Variants in MYBBP1A observed in about 807,000 individuals in gnomAD.
MYBBP1A encodes the protein MYB binding protein 1a, also known as myb-binding protein 1A.
In MYBBP1A, 147 loss-of-function variants were observed where a neutral mutation model predicts 136.3. The observed-to-expected ratio is 1.08, with a 90% CI of 0.94 to 1.24. MYBBP1A has a LOEUF of 1.24. Ranked by LOEUF, MYBBP1A falls within the 50% of genes most tolerant of loss-of-function variation. The pLI, the probability that MYBBP1A is intolerant of heterozygous loss-of-function variation, is 0.00. For synonymous variants in MYBBP1A, 947 were observed against 735.8 expected, an observed-to-expected ratio of 1.29 and a Z score of -4.65; for missense variants, 2,060 against 1,727.4, an observed-to-expected ratio of 1.19 and a Z score of -3.41.
chr17:4,550,185 G>T lies in MYBBP1A; in HGVS notation c.1192C>A (p.Leu398Met), dbSNP rs183763821. Residue 398 changes from leucine to methionine, a missense_variant, in exon 9 of 26, where the codon CTG (leucine) becomes ATG (methionine). Leu to Met is a conservative substitution (Grantham distance 15). Transcript: ENST00000254718. ...TPTFWRVVRF[L>M]SPPALQGYVA... ...TAGCCCTGCAGGGCCGGAGGGCTCA[G>T]GAACCGCACGACCCGCCAGAAAGTA... 6.2e-7 allele frequency: 1 copy of T among 1,613,920 alleles called. No individual in the cohort carries two copies. Among genetic ancestry groups the T allele is most frequent in the East Asian group, 2.2e-5 (1 of 44,886 alleles).
At chr17:4,540,124 C>T (rs535212727) in intron 25 of MYBBP1A, among the ~76,000 whole-genome samples, 157 bp from the exon 26 acceptor site, 205 of 148,848 alleles carry the variant, frequency 1.4e-3, no homozygotes, top group Admixed American at 2.1e-3. Context: ...GAGGGTCCTG[C>T]GAGGCCCCTG....
At position 4,545,709 on chromosome 17, in the gene MYBBP1A, C is replaced by A. The variant is rs202167625; in HGVS notation, c.1974G>T (p.Leu658=). ...GCATGAGGTGGCTGGGCTGGGCCAA[C>A]AGGGCCAGCAAGATCTCCACCAGCA... ...VEVLVEILLA[L]LAQPSHLMRQ... Residue 658 remains leucine (L), a synonymous_variant, in exon 15 of 26, where the codon CTG becomes CTT. Transcript: ENST00000254718. 142 of 1,609,950 alleles carry A rather than the reference C, an allele frequency of 8.8e-5. 1 individual carries two copies. Among genetic ancestry groups the A allele is most frequent in the Admixed American group, 3.0e-4 (18 of 59,828 alleles).
intron 18 of MYBBP1A, 44 bp downstream of exon 18, chr17:4,544,707 C>T (rs1418579034): frequency 1.5e-5 from 21 of 1,445,764 alleles, no homozygotes; most frequent in South Asian, 2.7e-5. Flanking sequence ...CGGGGGTGGG[C>T]GCACAGGGAG....
At chr17:4,545,429 A>G (rs774332070) in intron 15 of MYBBP1A, 84 bp from the exon 16 acceptor site, 6 of 1,567,372 alleles carry the variant, frequency 3.8e-6, no homozygotes, top group Non-Finnish European at 4.4e-6. Flanking sequence ...AAAGACCTCC[A>G]TTTCCCAGAA....
At position 4,545,006 on chromosome 17, in the gene MYBBP1A, CCT is replaced by C. The variant is rs753158147; in HGVS notation, c.2310+18_2310+19del. On this transcript the variant is annotated intron_variant, in intron 17 of 25. Transcript: ENST00000254718. ...CCCGAGCCCTCCCCGGCCGCCCCCC[CCT>C]CCACCTCCCCCACTCACCAGCGCCT... 4.7e-4 allele frequency: 692 copies of C among 1,477,770 alleles called. No homozygotes were observed. The highest frequency in any genetic ancestry group is 5.8e-4 in the Non-Finnish European group (642 of 1,111,844). The allele number at this position is 1,477,770 out of a possible 1,614,324, so 91.5% of individuals were successfully genotyped here. A position where few individuals can be genotyped will look rare whatever the true frequency, so the allele number is the denominator to read the frequency against.
chr17:4,547,911 G>T, intron 13 of MYBBP1A, 47 bp downstream of exon 13: 1 of 1,396,088 alleles, frequency 7.2e-7, no homozygotes, highest in Non-Finnish European at 9.4e-7. Context: ...GGCCCATTGT[G>T]CCATAGAACC....
intron 8 of MYBBP1A, among the ~76,000 whole-genome samples, chr17:4,550,712 AGTG>A (rs1271119618): frequency 6.6e-6 from 1 of 152,256 alleles, no homozygotes; most frequent in African/African-American, 2.4e-5. Context: ...CGCAGGGCAG[AGTG>A]GTAGTTAGGA....
chr17:4,541,340 G>A, intron 24 of MYBBP1A, 123 bp downstream of exon 24: 1 of 862,774 alleles, frequency 1.2e-6, no homozygotes. Flanking sequence ...CCCAGGCACT[G>A]AGAAGTTTCC....
intron 9 of MYBBP1A, 144 bp from the exon 10 acceptor site, chr17:4,549,586 G>A (rs1159271717): frequency 3.2e-6 from 2 of 632,566 alleles, no homozygotes; most frequent in African/African-American, 3.7e-5. Flanking sequence ...AGACCAGCCT[G>A]ACCAACACGG....
At position 4,555,368 on chromosome 17, in the gene MYBBP1A, C is replaced by T. The variant is rs1463463645; in HGVS notation, c.-44G>A. 5 of 1,554,304 alleles carry T rather than the reference C, an allele frequency of 3.2e-6. No individual in the cohort carries two copies. The East Asian group carries it at 1.2e-4, about 37-fold the overall frequency. On this transcript the variant is annotated 5_prime_UTR_variant, in exon 1 of 26. Transcript: ENST00000254718. Reference sequence around the variant, plus strand: ...AACACGAAACACGTGTGCTCCGGCCCCAGCCGCTTCCAGGTCAGGGCACGG... The same window carrying T: ...AACACGAAACACGTGTGCTCCGGCCTCAGCCGCTTCCAGGTCAGGGCACGG...
intron 20 of MYBBP1A, 34 bp from the exon 21 acceptor site, chr17:4,542,775 G>A (rs1567604808): frequency 3.1e-6 from 5 of 1,609,844 alleles, no homozygotes; most frequent in Admixed American, 1.7e-5. Flanking sequence ...GGTGAGGCCA[G>A]GAGAGGGGTC....
chr17:4,543,967 G>T (rs939717127), intron 19 of MYBBP1A, among the ~76,000 whole-genome samples: 7 of 152,172 alleles, frequency 4.6e-5, no homozygotes, highest in Admixed American at 6.5e-5. Flanking sequence ...GGGTGCGGGG[G>T]TCTGTGGCCT....
At chr17:4,551,291 C>G (rs1242471002) in intron 8 of MYBBP1A, among the ~76,000 whole-genome samples, 1 of 152,248 alleles carries the variant, frequency 6.6e-6, no homozygotes, top group Non-Finnish European at 1.5e-5. Context: ...GGTGCCCAAA[C>G]ATGGTCATGA....
intron 20 of MYBBP1A, 77 bp downstream of exon 20, chr17:4,542,836 G>A (rs775023554): frequency 1.7e-5 from 28 of 1,602,148 alleles, no homozygotes; most frequent in Non-Finnish European, 2.4e-5. Context: ...GCTGAGGGTT[G>A]GGCCCTGGGG....
intron 19 of MYBBP1A, 63 bp from the exon 20 acceptor site, chr17:4,543,228 G>C: frequency 2.0e-6 from 3 of 1,513,564 alleles, no homozygotes; most frequent in East Asian, 2.3e-5. Context: ...CCGCCAAGCA[G>C]AGCCAACCCA....
Position 4,554,082 on chromosome 17 carries a change from T to C in MYBBP1A, c.390A>G (p.Arg130=). ...DLHQVKKAML[R]PALFANLFGV... ...CAAACAGGTTTGCAAAGAGAGCAGGTCTCAGCATTGCCTAGAAAAGGATTC... is the reference window on the plus strand; with the variant it reads ...CAAACAGGTTTGCAAAGAGAGCAGGCCTCAGCATTGCCTAGAAAAGGATTC... Residue 130 remains arginine (R), a synonymous_variant, in exon 4 of 26, where the codon AGA becomes AGG. Coordinates refer to ENST00000254718, the MANE Select transcript of MYBBP1A (RefSeq NM_014520.4). The C allele has an allele frequency of 1.2e-6, 2 of 1,613,998 alleles. No homozygotes were observed. Among genetic ancestry groups the C allele is most frequent in the Admixed American group, 1.7e-5 (1 of 60,012 alleles).
chr17:4,543,929 C>T (rs1477899117), intron 19 of MYBBP1A, among the ~76,000 whole-genome samples: 2 of 152,178 alleles, frequency 1.3e-5, no homozygotes, highest in African/African-American at 4.8e-5. Flanking sequence ...TCTGTGGCCT[C>T]CAGCACCGCT....
Position 4,548,849 on chromosome 17 carries a change from G to T in MYBBP1A, c.1431-200C>A, listed in dbSNP as rs554709709. ...TAGGATGGGAAGGGGCCGTTTCTCT[G>T]CTCTGGATCCCCAGCTGAACGCGGG... On this transcript the variant is annotated intron_variant, in intron 10 of 25. Coordinates refer to ENST00000254718, the MANE Select transcript of MYBBP1A (RefSeq NM_014520.4). This position sits in a 1 kb window ranked among gnomAD's most constrained non-coding sequence, Gnocchi z 4.2. Among the ~76,000 whole-genome samples the T allele has an allele frequency of 1.6e-4, 24 of 152,350 alleles. No homozygotes were observed. The East Asian group carries it at 4.6e-3, about 29-fold the overall frequency.
chr17:4,545,757 G>A lies in MYBBP1A; in HGVS notation c.1926C>T (p.Pro642=), dbSNP rs778117304. ...PRRSRTKTID[P]QEPPWVEVLV... ...GCACCTCTACCCACGGGGGTTCCTG[G>A]GGGTCTGCAAGAGGGAGGGGTTGAG... The change falls in exon 15 of 26, where the codon CCC becomes CCT. Residue 642 remains proline, a synonymous_variant. Coordinates refer to ENST00000254718, the MANE Select transcript of MYBBP1A (RefSeq NM_014520.4). The A allele has an allele frequency of 6.2e-7, 1 of 1,606,114 alleles. No homozygotes were observed. The highest frequency in any genetic ancestry group is 8.5e-7 in the Non-Finnish European group (1 of 1,175,182).
Sources: allele counts gnomAD v4.1 joint callset (sites outside exome capture counted in the v4.1 genomes callset), GRCh38; gene constraint gnomAD v4.1.1; non-coding constraint Gnocchi (gnomAD v3.1); transcripts MANE v1.5; gene names NCBI Gene and HGNC (gene_info 2026-07-23, HGNC 2026-07-21).